CEP112: variants seen among roughly 807,000 people sequenced by gnomAD.
CEP112 encodes centrosomal protein 112.
Under a neutral mutation model 153.0 loss-of-function variants are expected in CEP112, and 127 were observed. The ratio of observed to expected loss-of-function variants is 0.83; its 90% CI spans 0.72 to 0.96. The LOEUF (loss-of-function observed/expected upper bound fraction) is 0.96. Among genes scored for constraint, CEP112 ranks in the 40% least tolerant of loss-of-function variants. The probability of loss-of-function intolerance (pLI) is 0.00; values close to 1 mark genes in which losing one functional copy is unlikely to be tolerated. For synonymous variants in CEP112, 358 were observed against 374.4 expected (o/e 0.96, Z 0.51); for missense variants, 1,089 against 1,101.2 (o/e 0.99, Z 0.16).
At chr17:65,746,614 G>T (rs936137581) in intron 22 of CEP112, among the ~76,000 whole-genome samples, 5 of 152,064 alleles carry the variant, frequency 3.3e-5, no homozygotes. Context: ...ATAAGAAAAT[G>T]GACTACTTTC....
intron 4 of CEP112, among the ~76,000 whole-genome samples, chr17:66,171,991 T>C (rs530319459): frequency 1.4e-3 from 209 of 152,220 alleles, no homozygotes; most frequent in Non-Finnish European, 2.0e-3. Flanking sequence ...TATGCTTCCC[T>C]CAACGTTTTC....
intron 21 of CEP112, among the ~76,000 whole-genome samples, chr17:65,763,794 C>T (rs2052759572): frequency 6.6e-6 from 1 of 152,070 alleles, no homozygotes. Flanking sequence ...TTTAAGATCT[C>T]TGTCATATAT....
Position 66,191,703 on chromosome 17 carries a change from G to T in CEP112, c.-9+294C>A, listed in dbSNP as rs942113910. On this transcript the variant is annotated intron_variant, in intron 1 of 26. Transcript: ENST00000535342. This position sits in a 1 kb window ranked among gnomAD's most constrained non-coding sequence, Gnocchi z 4.2. Reference sequence around the variant, plus strand: ...TCCTCTCCCAGTCGCAAACCCTTGGGTCAGACTCTTGGACCACGTCAGACC... The same window carrying T: ...TCCTCTCCCAGTCGCAAACCCTTGGTTCAGACTCTTGGACCACGTCAGACC... 3 of 152,944 alleles carry T rather than the reference G, an allele frequency of 2.0e-5. No individual in the cohort carries two copies. Among genetic ancestry groups the T allele is most frequent in the African/African-American group, 7.2e-5 (3 of 41,472 alleles). 9.5% of individuals were successfully genotyped at this position (152,944 alleles called of 1,614,324 possible).
At chr17:65,659,128 T>G (rs2046220101) in intron 24 of CEP112, among the ~76,000 whole-genome samples, 1 of 151,924 alleles carries the variant, frequency 6.6e-6, no homozygotes, top group Non-Finnish European at 1.5e-5. Context: ...CACGACGGAT[T>G]TTGGTGATCA....
intron 4 of CEP112, among the ~76,000 whole-genome samples, chr17:66,137,775 G>A (rs2070503309): frequency 6.6e-6 from 1 of 152,034 alleles, no homozygotes; most frequent in Non-Finnish European, 1.5e-5. Context: ...AAAAGTTGAA[G>A]GAGTTCATCA....
intron 24 of CEP112, among the ~76,000 whole-genome samples, chr17:65,669,246 G>A (rs1320384716): frequency 6.6e-6 from 1 of 152,120 alleles, no homozygotes; most frequent in Non-Finnish European, 1.5e-5. Flanking sequence ...TTGAAAATAT[G>A]TTATGACATC....
chr17:66,062,683 T>G (rs1025532868), intron 11 of CEP112, among the ~76,000 whole-genome samples: 2 of 152,156 alleles, frequency 1.3e-5, no homozygotes, highest in Non-Finnish European at 2.9e-5. Flanking sequence ...TTTAACTAAT[T>G]TTGTTTAAAA....
chr17:66,154,374 G>C (rs940122916), intron 4 of CEP112, among the ~76,000 whole-genome samples: 7 of 151,552 alleles, frequency 4.6e-5, no homozygotes, highest in African/African-American at 1.7e-4. Context: ...AATTAGCTGG[G>C]TGTGGGGGGG....
chr17:66,145,277 T>C (rs1164879329), intron 4 of CEP112, among the ~76,000 whole-genome samples: 1 of 152,220 alleles, frequency 6.6e-6, no homozygotes, highest in Non-Finnish European at 1.5e-5. Context: ...TTATGTATTC[T>C]AGCCACAAGT....
chr17:66,160,786 C>T (rs2071667294), intron 4 of CEP112, among the ~76,000 whole-genome samples: 1 of 152,004 alleles, frequency 6.6e-6, no homozygotes, highest in Non-Finnish European at 1.5e-5. Context: ...TGGGCAAAGG[C>T]TTCATGATTA....
rs189849643 is a variant in CEP112 at position 65,868,624 on chromosome 17, G to T, written c.2164-16590C>A. ...AGGACAGCATACACATTAAAAAACA[G>T]AATATATTAGGAAAATACTGTTGTA... On this transcript the variant is annotated intron_variant, in intron 20 of 26. Transcript: ENST00000535342. 8.9e-4 allele frequency among the ~76,000 whole-genome samples: 135 copies of T among 152,086 alleles called. 1 individual carries two copies. The highest frequency in any genetic ancestry group is 8.1e-3 in the Admixed American group (123 of 15,274).
intron 21 of CEP112, among the ~76,000 whole-genome samples, chr17:65,831,037 G>C (rs183857892): frequency 1.4e-4 from 21 of 152,300 alleles, no homozygotes; most frequent in Middle Eastern, 3.4e-3. Flanking sequence ...CAACAGGCCA[G>C]CATTTAACTT....
intron 18 of CEP112, among the ~76,000 whole-genome samples, chr17:65,954,595 TAAAG>T (rs2061944826): frequency 6.6e-6 from 1 of 151,792 alleles, no homozygotes; most frequent in Non-Finnish European, 1.5e-5. Context: ...AGGTTCAACA[TAAAG>T]AAATCAAAAA....
chr17:66,043,302 C>T (rs2066062528), intron 12 of CEP112: 1 of 152,400 alleles, frequency 6.6e-6, no homozygotes, highest in South Asian at 2.1e-4. Context: ...CACTACTGAG[C>T]AATCACTATA....
chr17:66,162,289 A>G (rs1362300079), intron 4 of CEP112, among the ~76,000 whole-genome samples: 3 of 152,194 alleles, frequency 2.0e-5, no homozygotes, highest in Non-Finnish European at 4.4e-5. Context: ...CATCTGCCAT[A>G]CCAGAATTGC....
At chr17:65,681,949 G>C (rs978676803) in intron 24 of CEP112, among the ~76,000 whole-genome samples, 1 of 151,538 alleles carries the variant, frequency 6.6e-6, no homozygotes, top group Non-Finnish European at 1.5e-5. Flanking sequence ...CAAAGCGCTG[G>C]GATTACAGGC....
chr17:65,989,549 GTCTT>G (rs1246238740), intron 17 of CEP112, among the ~76,000 whole-genome samples: 1 of 151,226 alleles, frequency 6.6e-6, no homozygotes, highest in Non-Finnish European at 1.5e-5. Context: ...GGGAAATAAA[GTCTT>G]TCCCTGACAA....
At chr17:65,966,767 C>G (rs1387908261) in intron 17 of CEP112, among the ~76,000 whole-genome samples, 2 of 152,230 alleles carry the variant, frequency 1.3e-5, no homozygotes, top group South Asian at 2.1e-4. Flanking sequence ...AACTAGTAGT[C>G]TCTGCTAAAT....
At chr17:65,793,551 C>A (rs1055654105) in intron 21 of CEP112, among the ~76,000 whole-genome samples, 1 of 152,194 alleles carries the variant, frequency 6.6e-6, no homozygotes, top group African/African-American at 2.4e-5. Flanking sequence ...CTAATTCCTA[C>A]AAGAACTCAC....
Sources: gnomAD v4.1 joint callset for allele counts (sites outside exome capture counted in the v4.1 genomes callset) on GRCh38, gnomAD v4.1.1 for gene constraint, Gnocchi (gnomAD v3.1) non-coding constraint, MANE v1.5 for transcripts, NCBI Gene and HGNC (gene_info 2026-07-23, HGNC 2026-07-21) for gene names.